Variants in CTNNA2 observed in about 807,000 individuals in gnomAD.
The protein encoded by CTNNA2 is catenin alpha-2.
CTNNA2 carries 42 observed loss-of-function variants against 101.0 expected under a neutral mutation model. That is an observed-to-expected ratio of 0.42 (90% confidence interval 0.32 to 0.54). The LOEUF (loss-of-function observed/expected upper bound fraction) is 0.54, where lower values mean the gene tolerates loss of function less well. CTNNA2 is among the 20% of genes least tolerant of loss of function. The probability of loss-of-function intolerance (pLI) is 0.14; values close to 1 mark genes in which losing one functional copy is unlikely to be tolerated. For synonymous variants in CTNNA2, 450 were observed against 456.4 expected (o/e 0.99, Z 0.18); for missense variants, 871 against 1,223.1 (o/e 0.71, Z 4.29).
chr2:80,280,485 G>C (rs1267450958), intron 7 of CTNNA2, among the ~76,000 whole-genome samples: 1 of 151,776 alleles, frequency 6.6e-6, no homozygotes, highest in African/African-American at 2.4e-5. Flanking sequence ...TTTCAGGCCA[G>C]TGGCACTCAG....
intron 7 of CTNNA2, among the ~76,000 whole-genome samples, chr2:80,266,021 G>A (rs1672975414): frequency 6.6e-6 from 1 of 152,164 alleles, no homozygotes. Context: ...GGACTCTGTG[G>A]TCTTATCGAG....
Position 80,397,912 on chromosome 2 carries a change from G to T in CTNNA2, c.1137+4621G>T, listed in dbSNP as rs141241778. Among the ~76,000 whole-genome samples, 161 of 152,264 alleles carry T rather than the reference G, an allele frequency of 1.1e-3. 1 individual carries two copies. The highest frequency in any genetic ancestry group is 3.2e-3 in the African/African-American group (133 of 41,548). On this transcript the variant is annotated intron_variant, in intron 8 of 18. Coordinates refer to ENST00000402739, the MANE Select transcript of CTNNA2 (RefSeq NM_001282597.3). ...TACTAATGCACTCTGGGAAATACAC[G>T]TGGGGAAGAAGGAAGGTTCACATAA...
At chr2:79,397,054 A>T (rs1263212536) in intron 4 of CTNNA2, among the ~76,000 whole-genome samples, 1 of 152,148 alleles carries the variant, frequency 6.6e-6, no homozygotes, top group Non-Finnish European at 1.5e-5. Flanking sequence ...TTTCCCAGAT[A>T]TGCTGACACT....
chr2:79,536,136 A>G (rs1187861629), intron 1 of CTNNA2, among the ~76,000 whole-genome samples: 1 of 152,196 alleles, frequency 6.6e-6, no homozygotes, highest in Non-Finnish European at 1.5e-5. Context: ...AAGAGAAGTT[A>G]CCAAAAAGTC....
intron 9 of CTNNA2, among the ~76,000 whole-genome samples, chr2:80,524,789 C>CA (rs1321590971): frequency 6.6e-6 from 1 of 152,184 alleles, no homozygotes; most frequent in South Asian, 2.1e-4. Flanking sequence ...CTCTCACACA[C>CA]AAAAAAATGC....
rs1355740445 is a variant in CTNNA2 at position 80,493,807 on chromosome 2, A to G, written c.1291-51175A>G. Among the ~76,000 whole-genome samples, 3 of 152,250 alleles carry G rather than the reference A, an allele frequency of 2.0e-5. No individual in the cohort carries two copies. The East Asian group carries it at 5.8e-4, about 29-fold the overall frequency. ...GAGTAGCTGCTGAAAGAATAGGCTG[A>G]TGAACTTGTAAAGGACATTTGGGTG... On this transcript the variant is annotated intron_variant, in intron 9 of 18. Coordinates refer to ENST00000402739, the MANE Select transcript of CTNNA2 (RefSeq NM_001282597.3).
intron 2 of CTNNA2, among the ~76,000 whole-genome samples, chr2:79,218,803 GA>G (rs1674303152): frequency 6.6e-6 from 1 of 152,146 alleles, no homozygotes; most frequent in Non-Finnish European, 1.5e-5. Context: ...TGAATTACCA[GA>G]ATCTTTCAGA....
At chr2:80,093,762 T>C (rs1318457555) in intron 7 of CTNNA2, among the ~76,000 whole-genome samples, 1 of 152,138 alleles carries the variant, frequency 6.6e-6, no homozygotes, top group African/African-American at 2.4e-5. Flanking sequence ...CCAGTGATGA[T>C]GAGCATTTTT....
At chr2:80,618,965 T>C in intron 17 of CTNNA2, 120 bp from the exon 18 acceptor site, 1 of 560,298 alleles carries the variant, frequency 1.8e-6, no homozygotes, top group Non-Finnish European at 2.9e-6. Flanking sequence ...CATATACCTC[T>C]TTTTTCCCAA....
chr2:79,507,281 A>G (rs887090045), intron 5 of CTNNA2, among the ~76,000 whole-genome samples: 1 of 152,208 alleles, frequency 6.6e-6, no homozygotes, highest in Admixed American at 6.5e-5. Flanking sequence ...TGTGTCCCTT[A>G]ATGTTCATGT....
chr2:79,352,192 A>G (rs1319480951), intron 3 of CTNNA2, among the ~76,000 whole-genome samples: 2 of 151,050 alleles, frequency 1.3e-5, no homozygotes, highest in African/African-American at 4.9e-5. Context: ...GCATTTTTTC[A>G]CATTTGTTGA....
intron 15 of CTNNA2, among the ~76,000 whole-genome samples, chr2:80,600,205 C>T (rs940213211): frequency 6.6e-6 from 1 of 151,774 alleles, no homozygotes; most frequent in South Asian, 2.1e-4. Context: ...ATACAAAAGG[C>T]ATAAACTGTA....
chr2:79,732,924 G>T (rs761549205), intron 2 of CTNNA2, among the ~76,000 whole-genome samples: 1 of 152,064 alleles, frequency 6.6e-6, no homozygotes, highest in Non-Finnish European at 1.5e-5. Flanking sequence ...CAAAATGGAG[G>T]TTGATTTTAA....
intron 6 of CTNNA2, among the ~76,000 whole-genome samples, chr2:79,901,538 T>G (rs907792849): frequency 2.6e-5 from 4 of 152,184 alleles, no homozygotes; most frequent in African/African-American, 9.6e-5. Context: ...AAAAAAGTTA[T>G]GAAAATCAGC....
chr2:80,113,958 T>C (rs1160493336), intron 7 of CTNNA2, among the ~76,000 whole-genome samples: 1 of 152,214 alleles, frequency 6.6e-6, no homozygotes, highest in Non-Finnish European at 1.5e-5. Context: ...TTATTCAATC[T>C]ACTTAAAAGA....
intron 1 of CTNNA2, among the ~76,000 whole-genome samples, chr2:79,544,198 A>G (rs1399822033): frequency 1.3e-5 from 2 of 152,184 alleles, no homozygotes; most frequent in African/African-American, 4.8e-5. Context: ...TTGGCCTTCC[A>G]AAGTGCTGTG....
chr2:80,141,298 C>T (rs546670375), intron 7 of CTNNA2, among the ~76,000 whole-genome samples: 14 of 151,832 alleles, frequency 9.2e-5, no homozygotes, highest in Non-Finnish European at 1.3e-4. Context: ...CAACATGTAA[C>T]ACAGTTTCCT....
intron 7 of CTNNA2, among the ~76,000 whole-genome samples, chr2:80,309,157 G>T (rs1677302252): frequency 6.6e-6 from 1 of 152,102 alleles, no homozygotes; most frequent in Non-Finnish European, 1.5e-5. Context: ...CAGTTCATGA[G>T]GCCTGTCCTC....
chr2:79,188,841 T>C (rs1160260312), intron 1 of CTNNA2, among the ~76,000 whole-genome samples: 1 of 152,206 alleles, frequency 6.6e-6, no homozygotes, highest in Non-Finnish European at 1.5e-5. Context: ...TTTATTAATT[T>C]AAGCTCTGTC....
Sources: gnomAD v4.1 joint callset for allele counts (sites outside exome capture counted in the v4.1 genomes callset) on GRCh38, gnomAD v4.1.1 for gene constraint, MANE v1.5 for transcripts, NCBI Gene and HGNC (gene_info 2026-07-23, HGNC 2026-07-21) for gene names.